AKT3: variants seen among roughly 807,000 people sequenced by gnomAD.
The protein encoded by AKT3 is AKT serine/threonine kinase 3, also known as RAC-gamma serine/threonine-protein kinase.
Under a neutral mutation model 65.3 loss-of-function variants are expected in AKT3, and 15 were observed. The ratio of observed to expected loss-of-function variants is 0.23; its 90% confidence interval spans 0.15 to 0.35. The LOEUF (loss-of-function observed/expected upper bound fraction) is 0.35. AKT3 is among the 10% of genes least tolerant of loss of function. The pLI is 1.00. For synonymous variants in AKT3, 206 were observed against 183.8 expected, an observed-to-expected ratio of 1.12 and a Z score of -0.98; for missense variants, 243 against 576.5, an observed-to-expected ratio of 0.42 and a Z score of 5.92.
intron 4 of AKT3, among the ~76,000 whole-genome samples, chr1:243,657,477 T>C (rs1044631279): frequency 2.0e-5 from 3 of 152,100 alleles, no homozygotes; most frequent in Non-Finnish European, 4.4e-5. Flanking sequence ...CTACAAAACA[T>C]TGCTGAAAGA....
chr1:243,673,047 T>C (rs1276656549), intron 3 of AKT3, among the ~76,000 whole-genome samples: 4 of 152,246 alleles, frequency 2.6e-5, no homozygotes, highest in Admixed American at 2.6e-4. Flanking sequence ...TGTTGGTTTT[T>C]TGGCTTTGAT....
intron 8 of AKT3, among the ~76,000 whole-genome samples, chr1:243,574,211 AAC>A (rs1484730102): frequency 1.3e-5 from 2 of 152,096 alleles, no homozygotes; most frequent in Non-Finnish European, 2.9e-5. Flanking sequence ...TATTTCAAGT[AAC>A]ATAAAACAGG....
chr1:243,637,035 A>G (rs1680025905), intron 6 of AKT3, among the ~76,000 whole-genome samples: 1 of 152,144 alleles, frequency 6.6e-6, no homozygotes, highest in Admixed American at 6.5e-5. Context: ...TGTAAAGTGT[A>G]TCTCCTGAGG....
chr1:243,826,168 T>G (rs1164669919), intron 2 of AKT3, among the ~76,000 whole-genome samples: 1 of 152,000 alleles, frequency 6.6e-6, no homozygotes, highest in African/African-American at 2.4e-5. Flanking sequence ...ATAAACCTAG[T>G]ACTCCTAGGA....
intron 2 of AKT3, among the ~76,000 whole-genome samples, chr1:243,742,781 G>C (rs1413445315): frequency 6.6e-6 from 1 of 150,496 alleles, no homozygotes; most frequent in Non-Finnish European, 1.5e-5. Context: ...CCAAACCCTA[G>C]TCTTTTTTAA....
intron 2 of AKT3, among the ~76,000 whole-genome samples, chr1:243,745,970 C>CA (rs943972536): frequency 6.6e-6 from 1 of 152,126 alleles, no homozygotes; most frequent in Admixed American, 6.5e-5. Flanking sequence ...TTCAGAACTT[C>CA]AAAAAAATTA....
At chr1:243,843,546 AAAT>A (rs1292498181) in intron 1 of AKT3, 1 of 1,053,368 alleles carries the variant, frequency 9.5e-7, no homozygotes. Flanking sequence ...ACGCCTACCC[AAAT>A]AATAGAGAAA....
At chr1:243,714,028 G>C (rs1686335215) in intron 2 of AKT3, among the ~76,000 whole-genome samples, 1 of 152,182 alleles carries the variant, frequency 6.6e-6, no homozygotes, top group Non-Finnish European at 1.5e-5. Flanking sequence ...GATAAATCAT[G>C]TTGGGTTTTT....
At chr1:243,735,022 G>A (rs996467263) in intron 2 of AKT3, 11 of 152,002 alleles carry the variant, frequency 7.2e-5, no homozygotes, top group African/African-American at 2.7e-4. Flanking sequence ...GGGCTTTTGG[G>A]GGCAATAATG....
intron 8 of AKT3, among the ~76,000 whole-genome samples, chr1:243,610,530 G>A (rs561422145): frequency 5.0e-4 from 76 of 152,250 alleles, no homozygotes; most frequent in African/African-American, 1.8e-3. Context: ...TTTTGTCTGC[G>A]GACTGTTTTA....
chr1:243,689,667 T>C (rs925356170), intron 3 of AKT3, among the ~76,000 whole-genome samples: 1 of 151,988 alleles, frequency 6.6e-6, no homozygotes, highest in East Asian at 1.9e-4. Flanking sequence ...AGAGAGTAAA[T>C]ACTTTGGTCA....
intron 6 of AKT3, among the ~76,000 whole-genome samples, chr1:243,627,741 C>T (rs1056795440): frequency 6.6e-6 from 1 of 152,186 alleles, no homozygotes; most frequent in African/African-American, 2.4e-5. Context: ...CTACAGGCAA[C>T]TAAAATTAAA....
chr1:243,792,304 A>T (rs1338621974), intron 2 of AKT3, among the ~76,000 whole-genome samples: 1 of 1,408 alleles, frequency 7.1e-4, no homozygotes, highest in Non-Finnish European at 1.1e-3. Context: ...CAATTTATTC[A>T]CTTAACTCAA....
intron 1 of AKT3, among the ~76,000 whole-genome samples, chr1:243,845,602 A>AC (rs1257800215): frequency 7.0e-6 from 1 of 143,172 alleles, no homozygotes; most frequent in African/African-American, 2.6e-5. Flanking sequence ...AAAAAAAAAA[A>AC]AGAAAAGAAA....
At chr1:243,809,824 A>G (rs1178942332) in intron 2 of AKT3, among the ~76,000 whole-genome samples, 3 of 152,236 alleles carry the variant, frequency 2.0e-5, no homozygotes, top group African/African-American at 7.2e-5. Context: ...AGAAATTATA[A>G]CAAACTGTTT....
intron 2 of AKT3, among the ~76,000 whole-genome samples, chr1:243,834,892 C>CA (rs1295338067): frequency 6.6e-6 from 1 of 151,776 alleles, no homozygotes; most frequent in Non-Finnish European, 1.5e-5. Context: ...ATGAATAAGG[C>CA]AAAAAATATA....
chr1:243,641,621 C>T (rs776574882), intron 5 of AKT3, among the ~76,000 whole-genome samples: 2 of 151,960 alleles, frequency 1.3e-5, no homozygotes, highest in Non-Finnish European at 2.9e-5. Flanking sequence ...TAAAATATTA[C>T]TATATTCCTT....
chr1:243,685,111 A>C (rs1684196654), intron 3 of AKT3, among the ~76,000 whole-genome samples: 1 of 151,952 alleles, frequency 6.6e-6, no homozygotes, highest in South Asian at 2.1e-4. Flanking sequence ...CTGCCTGTTC[A>C]CTCTAATGAT....
At chr1:243,715,642 C>CAGAAA (rs1686462642) in intron 2 of AKT3, among the ~76,000 whole-genome samples, 2 of 151,818 alleles carry the variant, frequency 1.3e-5, no homozygotes, top group African/African-American at 4.8e-5. Context: ...TAAAAATCTG[C>CAGAAA]AGAAAAACAT....
Sources: gnomAD v4.1 joint callset for allele counts (sites outside exome capture counted in the v4.1 genomes callset) on GRCh38, gnomAD v4.1.1 for gene constraint, MANE v1.5 for transcripts, NCBI Gene and HGNC (gene_info 2026-07-23, HGNC 2026-07-21) for gene names.